The following ELP4 variants were observed in gnomAD, a reference collection of about 807,000 sequenced individuals.
ELP4 encodes the protein elongator complex protein 4.
In ELP4, 51 loss-of-function variants were observed where a neutral mutation model predicts 48.9. That is an observed-to-expected ratio of 1.04 (90% confidence interval 0.83 to 1.32). The LOEUF is 1.32. Ranked by LOEUF, ELP4 falls within the 40% of genes most tolerant of loss-of-function variation. The pLI, the probability that ELP4 is intolerant of heterozygous loss-of-function variation, is 0.00. For missense variants in ELP4, 519 were observed against 514.6 expected, an observed-to-expected ratio of 1.01 and a Z score of -0.08; for synonymous variants, 210 against 189.2, an observed-to-expected ratio of 1.11 and a Z score of -0.90.
intron 3 of ELP4, among the ~76,000 whole-genome samples, chr11:31,586,771 T>C (rs1282167985): frequency 6.6e-6 from 1 of 151,842 alleles, no homozygotes; most frequent in African/African-American, 2.4e-5. Flanking sequence ...GCCTCCCGAG[T>C]AGCTGGGACT....
intron 3 of ELP4, among the ~76,000 whole-genome samples, chr11:31,576,642 C>G (rs900980019): frequency 6.6e-6 from 1 of 152,184 alleles, no homozygotes; most frequent in Non-Finnish European, 1.5e-5. Flanking sequence ...GACACTCACT[C>G]AAAACCACTC....
At chr11:31,725,943 G>C (rs1947067545) in intron 9 of ELP4, among the ~76,000 whole-genome samples, 1 of 152,142 alleles carries the variant, frequency 6.6e-6, no homozygotes, top group Admixed American at 6.5e-5. Flanking sequence ...AGAAATTCTT[G>C]ACACACAGTA....
At chr11:31,768,722 C>G (rs1449393577) in intron 9 of ELP4, among the ~76,000 whole-genome samples, 1 of 152,186 alleles carries the variant, frequency 6.6e-6, no homozygotes, top group Non-Finnish European at 1.5e-5. Context: ...TCCAGGAAAT[C>G]AGCCTGCTTC....
At chr11:31,521,487 C>T (rs1168155497) in intron 2 of ELP4, among the ~76,000 whole-genome samples, 1 of 151,444 alleles carries the variant, frequency 6.6e-6, no homozygotes, top group Admixed American at 6.6e-5. Context: ...AAAGTTTTCT[C>T]ACATGTTTTG....
chr11:31,666,004 CT>C (rs35902758), intron 9 of ELP4, among the ~76,000 whole-genome samples: 310 of 85,308 alleles, frequency 3.6e-3, no homozygotes, highest in African/African-American at 9.9e-3. Flanking sequence ...GTTTCAAATT[CT>C]TTTTTTTTTT....
At chr11:31,616,606 G>A (rs1397938813) in intron 5 of ELP4, among the ~76,000 whole-genome samples, 1 of 152,014 alleles carries the variant, frequency 6.6e-6, no homozygotes, top group Non-Finnish European at 1.5e-5. Context: ...TTTTGTGCAT[G>A]AAAGGACTTA....
chr11:31,666,639 C>T (rs1284753180), intron 9 of ELP4, among the ~76,000 whole-genome samples: 1 of 149,930 alleles, frequency 6.7e-6, no homozygotes, highest in Non-Finnish European at 1.5e-5. Flanking sequence ...TTGCAGTGAG[C>T]CGAGATTGCG....
intron 5 of ELP4, among the ~76,000 whole-genome samples, chr11:31,626,105 A>G (rs1000576413): frequency 2.0e-5 from 3 of 151,836 alleles, no homozygotes; most frequent in Non-Finnish European, 2.9e-5. Flanking sequence ...ATGTACCTCT[A>G]TGTTTCCTGA....
chr11:31,668,642 CT>C (rs1729346797), intron 9 of ELP4, among the ~76,000 whole-genome samples: 1 of 134,306 alleles, frequency 7.4e-6, no homozygotes, highest in African/African-American at 2.7e-5. Flanking sequence ...CTCTTCTTTG[CT>C]TTAGATATCG....
intron 9 of ELP4, among the ~76,000 whole-genome samples, chr11:31,761,134 G>A (rs991152054): frequency 2.6e-5 from 4 of 152,098 alleles, no homozygotes; most frequent in Non-Finnish European, 5.9e-5. Context: ...GGCCAAGGCA[G>A]GGGGATCGCT....
intron 9 of ELP4, among the ~76,000 whole-genome samples, chr11:31,750,280 A>G (rs1947692445): frequency 6.6e-6 from 1 of 152,198 alleles, no homozygotes; most frequent in South Asian, 2.1e-4. Flanking sequence ...CAGATTGGTA[A>G]TGGAAATCAG....
chr11:31,597,686 C>T (rs1475669051), intron 4 of ELP4, among the ~76,000 whole-genome samples: 4 of 151,942 alleles, frequency 2.6e-5, no homozygotes, highest in Non-Finnish European at 2.9e-5. Flanking sequence ...ATTCTCCTGC[C>T]TCAGCCTCCC....
At chr11:31,541,303 T>C (rs1163494674) in intron 3 of ELP4, 1 of 152,226 alleles carries the variant, frequency 6.6e-6, no homozygotes, top group African/African-American at 2.4e-5. Flanking sequence ...TTTGATTGAT[T>C]TTCCTCTGGT....
At chr11:31,605,426 G>A (rs759272493) in intron 5 of ELP4, among the ~76,000 whole-genome samples, 1 of 152,012 alleles carries the variant, frequency 6.6e-6, no homozygotes, top group Non-Finnish European at 1.5e-5. Flanking sequence ...TTGCGAAATA[G>A]GTCAGGGTAA....
At chr11:31,543,973 C>CA (rs1565044197) in intron 3 of ELP4, among the ~76,000 whole-genome samples, 1 of 152,042 alleles carries the variant, frequency 6.6e-6, no homozygotes, top group Non-Finnish European at 1.5e-5. Flanking sequence ...AAGTTTTTCA[C>CA]AAAAAAATCA....
At chr11:31,689,444 TAAAAAAA>T (rs35318641) in intron 9 of ELP4, 2 of 132,498 alleles carry the variant, frequency 1.5e-5, no homozygotes, top group African/African-American at 5.8e-5. Context: ...AACCTGTCTT[TAAAAAAA>T]AAAAAAAAAA....
chr11:31,790,097 CAAAAAAAAA>C lies in ELP4; in HGVS notation c.*6588_*6596del, dbSNP rs1171009926. The C allele has an allele frequency of 2.5e-4, 36 of 145,364 alleles. No individual in the cohort carries two copies. Among genetic ancestry groups the C allele is most frequent in the East Asian group, 1.2e-3 (6 of 5,208 alleles). The allele number at this position is 145,364 out of a possible 1,614,324, so 9.0% of individuals were successfully genotyped here. A position where few individuals can be genotyped will look rare whatever the true frequency, so the allele number is the denominator to read the frequency against. Reference sequence around the variant, plus strand: ...CATGGAATACAAATTTATAGGTTTACAAAAAAAAAAAAAAAAAAAAAAACTAATACTTTC... The same window carrying C: ...CATGGAATACAAATTTATAGGTTTACAAAAAAAAAAAAAACTAATACTTTC... On this transcript the variant is annotated 3_prime_UTR_variant, in exon 10 of 10. Coordinates refer to ENST00000640961, the MANE Select transcript of ELP4 (RefSeq NM_019040.5).
chr11:31,745,305 G>A (rs931177136), intron 9 of ELP4, among the ~76,000 whole-genome samples: 1 of 152,130 alleles, frequency 6.6e-6, no homozygotes, highest in African/African-American at 2.4e-5. Flanking sequence ...TGTGAAAATG[G>A]CCATACTGCC....
intron 9 of ELP4, among the ~76,000 whole-genome samples, chr11:31,752,535 G>C (rs538072160): frequency 4.6e-5 from 7 of 152,086 alleles, no homozygotes; most frequent in Non-Finnish European, 1.0e-4. Context: ...AAAGAAGCAA[G>C]TATTATAAAA....
Sources: gnomAD v4.1 joint callset for allele counts (sites outside exome capture counted in the v4.1 genomes callset) on GRCh38, gnomAD v4.1.1 for gene constraint, MANE v1.5 for transcripts, NCBI Gene and HGNC (gene_info 2026-07-23, HGNC 2026-07-21) for gene names.